Variants in ZNF148 observed in about 807,000 individuals in gnomAD.
The protein encoded by ZNF148 is Beta-Enolase Repressor Factor-1.
ZNF148 carries 7 observed loss-of-function variants against 67.7 expected under a neutral mutation model. The observed-to-expected ratio is 0.10, with a 90% CI of 0.06 to 0.19. ZNF148 has a LOEUF of 0.19. ZNF148 is among the 10% of genes least tolerant of loss of function. ZNF148 has a pLI of 1.00. For synonymous variants in ZNF148, 333 were observed against 330.7 expected, an observed-to-expected ratio of 1.01 and a Z score of -0.08; for missense variants, 583 against 947.1, an observed-to-expected ratio of 0.62 and a Z score of 5.05.
In ZNF148 at chr3:125,231,103, T is replaced by C. The variant is rs1935838035; in HGVS notation, c.*1238A>G. ...TAGCTGAAAAAGAAATGGTAGTTAC[T>C]GGAATTAGTAAACACTTTTGGTTTG... On this transcript the variant is annotated 3_prime_UTR_variant, in exon 9 of 9. Coordinates refer to ENST00000360647, the MANE Select transcript of ZNF148 (RefSeq NM_021964.3). 1 of 152,556 alleles carries C rather than the reference T, an allele frequency of 6.6e-6. No homozygotes were observed. Among genetic ancestry groups the C allele is most frequent in the African/African-American group, 2.4e-5 (1 of 41,464 alleles). The allele number at this position is 152,556 out of a possible 1,614,324, so 9.5% of individuals were successfully genotyped here. A position where few individuals can be genotyped will look rare whatever the true frequency, so the allele number is the denominator to read the frequency against.
chr3:125,298,683 G>A (rs1939421603), intron 4 of ZNF148, among the ~76,000 whole-genome samples: 1 of 141,222 alleles, frequency 7.1e-6, no homozygotes, highest in Non-Finnish European at 1.5e-5. Flanking sequence ...GGAGTGCAGT[G>A]GCGTGATCTC....
At chr3:125,306,859 C>G (rs969755174) in intron 4 of ZNF148, among the ~76,000 whole-genome samples, 1 of 152,024 alleles carries the variant, frequency 6.6e-6, no homozygotes. Flanking sequence ...AGAGCAAGAC[C>G]TTGTCTCCAA....
At chr3:125,240,888 C>T (rs1316204844) in intron 7 of ZNF148, among the ~76,000 whole-genome samples, 1 of 151,974 alleles carries the variant, frequency 6.6e-6, no homozygotes, top group South Asian at 2.1e-4. Flanking sequence ...CTAAATAGAG[C>T]AATTATGATG....
At chr3:125,269,448 C>CAAAA (rs34424875) in intron 7 of ZNF148, among the ~76,000 whole-genome samples, 2 of 136,908 alleles carry the variant, frequency 1.5e-5, no homozygotes, top group Non-Finnish European at 1.6e-5. Flanking sequence ...ATTAAAATGT[C>CAAAA]AAAAAAAAAA....
intron 5 of ZNF148, among the ~76,000 whole-genome samples, chr3:125,285,575 C>T (rs996285352): frequency 6.6e-6 from 1 of 151,512 alleles, no homozygotes; most frequent in Non-Finnish European, 1.5e-5. Flanking sequence ...AAAAACAAAA[C>T]CAGAGACAGG....
chr3:125,332,918 T>C (rs916543979), intron 1 of ZNF148, among the ~76,000 whole-genome samples: 1 of 152,224 alleles, frequency 6.6e-6, no homozygotes, highest in African/African-American at 2.4e-5. Context: ...TATTGCTACA[T>C]ACATTACTAT....
intron 7 of ZNF148, among the ~76,000 whole-genome samples, chr3:125,246,600 T>C (rs1227501819): frequency 6.6e-6 from 1 of 152,138 alleles, no homozygotes; most frequent in Non-Finnish European, 1.5e-5. Context: ...CCTAGCACAG[T>C]AGTATAACAG....
intron 7 of ZNF148, among the ~76,000 whole-genome samples, chr3:125,274,348 A>G (rs1937928688): frequency 6.6e-6 from 1 of 152,190 alleles, no homozygotes. Context: ...TATAATATTC[A>G]CAAAAAAGGT....
chr3:125,252,732 C>A (rs1430062530), intron 7 of ZNF148, among the ~76,000 whole-genome samples: 5 of 150,004 alleles, frequency 3.3e-5, no homozygotes, highest in African/African-American at 7.4e-5. Flanking sequence ...TGTGCCCCTG[C>A]ACTCCAGCCT....
chr3:125,344,201 T>C (rs950731129), intron 1 of ZNF148: 25 of 322,532 alleles, frequency 7.8e-5, no homozygotes, highest in South Asian at 2.2e-4. Context: ...GTAGTGATTT[T>C]TCTGCCATTA....
At chr3:125,334,398 A>C (rs1941408779) in intron 1 of ZNF148, among the ~76,000 whole-genome samples, 1 of 152,230 alleles carries the variant, frequency 6.6e-6, no homozygotes, top group Non-Finnish European at 1.5e-5. Flanking sequence ...TGTGATAATA[A>C]TGTGATATAA....
At chr3:125,368,095 AC>A (rs2107794612) in intron 1 of ZNF148, among the ~76,000 whole-genome samples, 1 of 152,360 alleles carries the variant, frequency 6.6e-6, no homozygotes, top group Non-Finnish European at 1.5e-5. Flanking sequence ...AAATCATTTC[AC>A]CAAACCTTAG....
At chr3:125,299,997 G>A (rs1047416556) in intron 4 of ZNF148, among the ~76,000 whole-genome samples, 4 of 151,966 alleles carry the variant, frequency 2.6e-5, no homozygotes, top group African/African-American at 9.7e-5. Flanking sequence ...TCTGAGGCAG[G>A]GTCCCACTCT....
At position 125,339,874 on chromosome 3, in the gene ZNF148, C is replaced by T. The variant is rs148816696; in HGVS notation, c.-233-8636G>A. On this transcript the variant is annotated intron_variant, in intron 1 of 8. Coordinates refer to ENST00000360647, the MANE Select transcript of ZNF148 (RefSeq NM_021964.3). ...CATTATTTTCAGACGAGATCGGGTG[C>T]GTTCAGGGTGGTATGGCCGTAGACA... is the stretch of plus-strand genomic sequence containing the variant. 5.9e-4 allele frequency among the ~76,000 whole-genome samples: 89 copies of T among 152,102 alleles called. 1 individual carries two copies. Among genetic ancestry groups the T allele is most frequent in the South Asian group, 3.1e-3 (15 of 4,798 alleles).
At chr3:125,368,005 G>C (rs1388796287) in intron 1 of ZNF148, among the ~76,000 whole-genome samples, 1 of 152,180 alleles carries the variant, frequency 6.6e-6, no homozygotes, top group African/African-American at 2.4e-5. Flanking sequence ...TCACTTTAGG[G>C]CTGCAAGAGG....
At chr3:125,341,230 A>G (rs1323273245) in intron 1 of ZNF148, among the ~76,000 whole-genome samples, 1 of 151,816 alleles carries the variant, frequency 6.6e-6, no homozygotes, top group Non-Finnish European at 1.5e-5. Flanking sequence ...ATCCAGAAAT[A>G]AGTGAAAAAA....
At chr3:125,312,334 T>C (rs1261217699) in intron 4 of ZNF148, among the ~76,000 whole-genome samples, 1 of 152,230 alleles carries the variant, frequency 6.6e-6, no homozygotes, top group East Asian at 1.9e-4. Context: ...AAAAAGTTAC[T>C]GCAATGGGCT....
intron 5 of ZNF148, among the ~76,000 whole-genome samples, chr3:125,284,703 A>AT (rs1390650524): frequency 1.3e-5 from 2 of 152,232 alleles, no homozygotes; most frequent in Non-Finnish European, 2.9e-5. Context: ...ATGAAATTTG[A>AT]TATTTAAAAG....
Position 125,313,211 on chromosome 3 carries a change from CCCTGAAACATTT to C in ZNF148, c.333+85_333+96del, listed in dbSNP as rs1212390941. On this transcript the variant is annotated intron_variant, in intron 4 of 8. Coordinates refer to ENST00000360647, the MANE Select transcript of ZNF148 (RefSeq NM_021964.3). ...ATATCTATTCAAGAACACTATTTAG[CCCTGAAACATTT>C]TCTGAAATTTCTTCGATGACTTGCA... The C allele has an allele frequency of 5.2e-6, 5 of 961,196 alleles. No homozygotes were observed. In the East Asian group the frequency reaches 7.8e-5, roughly 15 times the overall value. 59.5% of individuals were successfully genotyped at this position (961,196 alleles called of 1,614,324 possible).
Sources: allele counts gnomAD v4.1 joint callset (sites outside exome capture counted in the v4.1 genomes callset), GRCh38; gene constraint gnomAD v4.1.1; transcripts MANE v1.5; gene names NCBI Gene and HGNC (gene_info 2026-07-23, HGNC 2026-07-21).